Variants in SMC5 observed in about 807,000 individuals in gnomAD.
SMC5 encodes the protein structural maintenance of chromosomes 5.
SMC5 carries 88 observed loss-of-function variants against 148.3 expected under a neutral mutation model. The ratio of observed to expected loss-of-function variants is 0.59; its 90% CI spans 0.50 to 0.71. The LOEUF (loss-of-function observed/expected upper bound fraction) is 0.71. Among genes scored for constraint, SMC5 ranks in the 30% least tolerant of loss-of-function variants. SMC5 has a pLI of 0.00. For synonymous variants in SMC5, 421 were observed against 432.8 expected, an observed-to-expected ratio of 0.97 and a Z score of 0.34; for missense variants, 1,142 against 1,298.9, an observed-to-expected ratio of 0.88 and a Z score of 1.86.
At chr9:70,260,279 T>C (rs894975420) in intron 1 of SMC5, among the ~76,000 whole-genome samples, 2 of 152,202 alleles carry the variant, frequency 1.3e-5, no homozygotes, top group African/African-American at 2.4e-5. Flanking sequence ...TATTTTTTTT[T>C]GTATTTTAGT....
At chr9:70,287,833 GT>G (rs2034952343) in intron 8 of SMC5, among the ~76,000 whole-genome samples, 1 of 151,746 alleles carries the variant, frequency 6.6e-6, no homozygotes, top group Non-Finnish European at 1.5e-5. Flanking sequence ...AATTTCTGGG[GT>G]TTTTGTTTGT....
At position 70,260,469 on chromosome 9, in the gene SMC5, A is replaced by G. The variant is rs553814732; in HGVS notation, c.185+1206A>G. 2.6e-5 allele frequency among the ~76,000 whole-genome samples: 4 copies of G among 151,064 alleles called. No homozygotes were observed. The South Asian group carries it at 8.4e-4, about 32-fold the overall frequency. On this transcript the variant is annotated intron_variant, in intron 1 of 24. Transcript: ENST00000361138. ...ATAACAGAATTGTAATAACAATACT[A>G]CCTTTTTTTTTCAAGCACCTATTGT...
At chr9:70,295,624 T>C (rs1257446202) in intron 8 of SMC5, among the ~76,000 whole-genome samples, 1 of 152,170 alleles carries the variant, frequency 6.6e-6, no homozygotes, top group East Asian at 1.9e-4. Context: ...GTAGGACTAA[T>C]GTGATTAGTC....
At position 70,259,240 on chromosome 9, in the gene SMC5, C is replaced by T. The variant is rs1395680057; in HGVS notation, c.162C>T (p.Val54=). 3.1e-6 allele frequency: 5 copies of T among 1,595,344 alleles called. No homozygotes were observed. In the South Asian group the frequency reaches 5.7e-5, roughly 18 times the overall value. Reference sequence around the variant, plus strand: ...GGCCTTTCGTGGAAGGCTCTATCGTCCGCATCTCGATGGAGAACTTCCTGT... The same window carrying T: ...GGCCTTTCGTGGAAGGCTCTATCGTTCGCATCTCGATGGAGAACTTCCTGT... ...SSGPFVEGSI[V]RISMENFLTY... The change falls in exon 1 of 25, where the codon GTC becomes GTT. Residue 54 remains valine (V), a synonymous_variant. Coordinates refer to ENST00000361138, the MANE Select transcript of SMC5 (RefSeq NM_015110.4).
intron 11 of SMC5, among the ~76,000 whole-genome samples, chr9:70,314,289 A>G (rs1484327788): frequency 6.6e-6 from 1 of 152,186 alleles, no homozygotes; most frequent in East Asian, 1.9e-4. Context: ...AGCCACATAA[A>G]CACAAATCTC....
At chr9:70,338,823 A>G (rs1392585361) in intron 17 of SMC5, among the ~76,000 whole-genome samples, 1 of 152,084 alleles carries the variant, frequency 6.6e-6, no homozygotes, top group African/African-American at 2.4e-5. Context: ...GCATTTCCTC[A>G]GCAATATTTT....
chr9:70,285,203 C>T (rs145420624), intron 7 of SMC5, among the ~76,000 whole-genome samples: 1 of 152,116 alleles, frequency 6.6e-6, no homozygotes, highest in East Asian at 1.9e-4. Flanking sequence ...CCTAGGAGGG[C>T]TCACAGCTAA....
chr9:70,338,313 T>C (rs938039856), intron 17 of SMC5, among the ~76,000 whole-genome samples: 2 of 152,212 alleles, frequency 1.3e-5, no homozygotes, highest in Admixed American at 1.3e-4. Flanking sequence ...GCCCAGCCAT[T>C]TGCATAATTT....
chr9:70,260,205 A>G (rs773235858), intron 1 of SMC5, among the ~76,000 whole-genome samples: 4 of 152,012 alleles, frequency 2.6e-5, no homozygotes, highest in East Asian at 3.9e-4. Context: ...CCCAGTTTCA[A>G]TCAATTCTCC....
At position 70,279,649 on chromosome 9, in the gene SMC5, T is replaced by A. The variant is rs1038161650; in HGVS notation, c.678+1024T>A. Among the ~76,000 whole-genome samples, 5 of 152,076 alleles carry A rather than the reference T, an allele frequency of 3.3e-5. 1 individual carries two copies. In the South Asian group the frequency reaches 8.3e-4, roughly 25 times the overall value. ...CTGGCCAACATGGTGAAACCCTGTCTCTACTAAAAATACAAAAATTAGCCG... is the reference window on the plus strand; with the variant it reads ...CTGGCCAACATGGTGAAACCCTGTCACTACTAAAAATACAAAAATTAGCCG... On this transcript the variant is annotated intron_variant, in intron 5 of 24. Coordinates refer to ENST00000361138, the MANE Select transcript of SMC5 (RefSeq NM_015110.4).
At chr9:70,344,100 TTTAACA>T in intron 17 of SMC5, 38 bp from the exon 18 acceptor site, 2 of 1,294,512 alleles carry the variant, frequency 1.5e-6, no homozygotes, top group Non-Finnish European at 2.1e-6. Context: ...ATCCCTCTGC[TTTAACA>T]TTAACATTCA....
intron 24 of SMC5, among the ~76,000 whole-genome samples, 174 bp from the exon 25 acceptor site, chr9:70,352,017 G>A (rs117155294): frequency 6.6e-6 from 1 of 152,106 alleles, no homozygotes; most frequent in Non-Finnish European, 1.5e-5. Flanking sequence ...GGTGGTGGAG[G>A]TTGCACTGAG....
intron 8 of SMC5, among the ~76,000 whole-genome samples, chr9:70,291,530 C>G (rs2035060573): frequency 6.6e-6 from 1 of 152,142 alleles, no homozygotes; most frequent in Non-Finnish European, 1.5e-5. Context: ...CTTCTAGAAT[C>G]CCAGGAATTT....
intron 6 of SMC5, 35 bp from the exon 7 acceptor site, chr9:70,282,387 G>A (rs1242905422): frequency 2.6e-6 from 4 of 1,556,154 alleles, no homozygotes; most frequent in Non-Finnish European, 3.5e-6. Flanking sequence ...GTTTAAGGTA[G>A]GGCATTAACT....
At chr9:70,282,201 A>T (rs1242401203) in intron 6 of SMC5, among the ~76,000 whole-genome samples, 1 of 152,152 alleles carries the variant, frequency 6.6e-6, no homozygotes, top group African/African-American at 2.4e-5. Flanking sequence ...TGAACTGGTG[A>T]TAGAAATAAA....
chr9:70,299,619 A>G (rs1345456145), intron 9 of SMC5, among the ~76,000 whole-genome samples: 4 of 152,046 alleles, frequency 2.6e-5, no homozygotes, highest in Non-Finnish European at 5.9e-5. Context: ...AATTAACTTC[A>G]GAGTCTTTGC....
In SMC5 at chr9:70,259,066, T is replaced by A. The variant is rs772541690; in HGVS notation, c.-13T>A. On this transcript the variant is annotated 5_prime_UTR_variant, in exon 1 of 25. Transcript: ENST00000361138. ...GGGAACGGAAGTCGCTGTGGGACGC[T>A]GAGGAAGCCAGGATGGCGACTCCGA... 1.3e-6 allele frequency: 2 copies of A among 1,595,358 alleles called. No homozygotes were observed. Among genetic ancestry groups the A allele is most frequent in the South Asian group, 2.3e-5 (2 of 88,884 alleles).
intron 3 of SMC5, among the ~76,000 whole-genome samples, chr9:70,270,074 T>G (rs1381393059): frequency 6.6e-6 from 1 of 152,178 alleles, no homozygotes; most frequent in Non-Finnish European, 1.5e-5. Flanking sequence ...GACCCATAGT[T>G]TAGGGGCTCA....
At chr9:70,340,477 GATTTTTATATTTTTAA>G (rs1266231542) in intron 17 of SMC5, among the ~76,000 whole-genome samples, 2 of 151,946 alleles carry the variant, frequency 1.3e-5, no homozygotes, top group African/African-American at 4.8e-5. Context: ...CTAAATGAAT[GATTTTTATATTTTTAA>G]GTGTGTATTC....
Sources: gnomAD v4.1 joint callset for allele counts (sites outside exome capture counted in the v4.1 genomes callset) on GRCh38, gnomAD v4.1.1 for gene constraint, MANE v1.5 for transcripts, NCBI Gene and HGNC (gene_info 2026-07-23, HGNC 2026-07-21) for gene names.